Variants in OTOGL observed in about 807,000 individuals in gnomAD.
The protein encoded by OTOGL is otogelin like, also known as otogelin-like protein.
A neutral mutation model predicts 318.5 loss-of-function variants in OTOGL; 285 were observed. The observed-to-expected ratio is 0.89, with a 90% confidence interval of 0.81 to 0.99. The LOEUF is 0.99. Ranked by LOEUF, OTOGL falls within the 50% of genes least tolerant of loss-of-function variation. The pLI is 0.00. For synonymous variants in OTOGL, 987 were observed against 936.5 expected, an observed-to-expected ratio of 1.05 and a Z score of -0.99; for missense variants, 2,899 against 2,845.6, an observed-to-expected ratio of 1.02 and a Z score of -0.43.
intron 1 of OTOGL, among the ~76,000 whole-genome samples, chr12:80,101,926 A>AT (rs1425543712): frequency 6.6e-6 from 1 of 152,200 alleles, no homozygotes; most frequent in Non-Finnish European, 1.5e-5. Flanking sequence ...TCCATTTCAC[A>AT]TTTTTTATTC....
intron 1 of OTOGL, among the ~76,000 whole-genome samples, chr12:80,110,861 T>C (rs1465823291): frequency 6.6e-6 from 1 of 152,236 alleles, no homozygotes; most frequent in Non-Finnish European, 1.5e-5. Context: ...TAATTTACAC[T>C]CCCACCAACA....
chr12:80,209,083 A>C (rs1877036823), intron 1 of OTOGL, among the ~76,000 whole-genome samples: 1 of 152,132 alleles, frequency 6.6e-6, no homozygotes, highest in South Asian at 2.1e-4. Flanking sequence ...GCTTCAGGAG[A>C]TATCAAGAGA....
chr12:80,373,524 G>A lies in OTOGL; in HGVS notation c.6781+1460G>A, dbSNP rs545266154. Among the ~76,000 whole-genome samples, 11 of 152,068 alleles carry A rather than the reference G, an allele frequency of 7.2e-5. 1 individual carries two copies. In the South Asian group the frequency reaches 2.1e-3, roughly 29 times the overall value. On this transcript the variant is annotated intron_variant, in intron 57 of 58. Transcript: ENST00000547103. The stretch of plus-strand genomic sequence containing the variant: ...ATGAACTGACATACATCTTGAGGAA[G>A]ATTTCTGAATTTCTTTCATGAAAGA...
At chr12:80,120,418 C>A (rs1010775712) in intron 1 of OTOGL, among the ~76,000 whole-genome samples, 8 of 151,910 alleles carry the variant, frequency 5.3e-5, no homozygotes, top group Non-Finnish European at 8.8e-5. Flanking sequence ...AAGTTACATA[C>A]CTGTTGTTAT....
chr12:80,371,908 G>C (rs1013386456), intron 56 of OTOGL, 111 bp from the exon 57 acceptor site: 1 of 540,616 alleles, frequency 1.8e-6, no homozygotes, highest in Non-Finnish European at 2.9e-6. Flanking sequence ...TTCTATGAAG[G>C]CTTTGTGGTA....
At chr12:80,240,645 A>G (rs1455717455) in intron 11 of OTOGL, among the ~76,000 whole-genome samples, 1 of 152,098 alleles carries the variant, frequency 6.6e-6, no homozygotes, top group Non-Finnish European at 1.5e-5. Flanking sequence ...TGATATCACT[A>G]AGAATATTGT....
At position 80,355,800 on chromosome 12, in the gene OTOGL, A is replaced by C. The variant is rs1170775242; in HGVS notation, c.5658A>C (p.Glu1886Asp). 1 of 1,613,866 alleles carries C rather than the reference A, an allele frequency of 6.2e-7. No homozygotes were observed. Among genetic ancestry groups the C allele is most frequent in the East Asian group, 2.2e-5 (1 of 44,864 alleles). Reference protein sequence around the residue: ...AGEIWNGGIDECTLYKCLENG... With the variant: ...AGEIWNGGIDDCTLYKCLENG... ...AGATTTGGAATGGGGGCATTGATGA[A>C]TGCACTCTATACAAATGTTTGGAGA... The change falls in exon 47 of 59, where the codon GAA becomes GAC. Residue 1886 changes from glutamate (E) to aspartate (D), a missense_variant. Transcript: ENST00000547103.
intron 1 of OTOGL, among the ~76,000 whole-genome samples, chr12:80,173,145 A>G (rs1874316948): frequency 6.6e-6 from 1 of 151,926 alleles, no homozygotes; most frequent in African/African-American, 2.4e-5. Context: ...AGCTCCTATC[A>G]ATATTTACTT....
At chr12:80,366,068 C>A (rs1890509021) in intron 52 of OTOGL, among the ~76,000 whole-genome samples, 1 of 152,066 alleles carries the variant, frequency 6.6e-6, no homozygotes, top group African/African-American at 2.4e-5. Context: ...TTTCTCTCAA[C>A]AATCCTAAGA....
At chr12:80,295,562 G>C (rs999877764) in intron 26 of OTOGL, among the ~76,000 whole-genome samples, 7 of 152,212 alleles carry the variant, frequency 4.6e-5, no homozygotes, top group Non-Finnish European at 1.0e-4. Flanking sequence ...GATTCAGGAA[G>C]TGTGTGTGGG....
rs552238890 is a variant in OTOGL, at chr12:80,267,172, T to C, written c.2391-81T>C. ...TTAGAGTGTACCTTACAATGACCAATGGAGAGCACAAGGTCAGCTTGAATT... is the reference window on the plus strand; with the variant it reads ...TTAGAGTGTACCTTACAATGACCAACGGAGAGCACAAGGTCAGCTTGAATT... On this transcript the variant is annotated intron_variant, in intron 21 of 58. Transcript: ENST00000547103. The C allele has an allele frequency of 5.1e-6, 4 of 787,138 alleles. No homozygotes were observed. The South Asian group carries it at 7.6e-5, about 15-fold the overall frequency. The allele number at this position is 787,138 out of a possible 1,614,324, so 48.8% of individuals were successfully genotyped here. A position where few individuals can be genotyped will look rare whatever the true frequency, so the allele number is the denominator to read the frequency against.
chr12:80,267,193 G>A (rs1322546792), intron 21 of OTOGL, 60 bp from the exon 22 acceptor site: 1 of 1,119,412 alleles, frequency 8.9e-7, no homozygotes, highest in African/African-American at 1.6e-5. Context: ...AGGTCAGCTT[G>A]AATTTTAGTG....
chr12:80,339,300 T>TTTG, intron 43 of OTOGL, 36 bp downstream of exon 43: 1 of 614,496 alleles, frequency 1.6e-6, no homozygotes, highest in Non-Finnish European at 2.2e-6. Flanking sequence ...TTTCGTCTGT[T>TTTG]TTTTTTTTTT....
chr12:80,147,755 T>C (rs1235936942), intron 1 of OTOGL, among the ~76,000 whole-genome samples: 1 of 152,192 alleles, frequency 6.6e-6, no homozygotes, highest in Non-Finnish European at 1.5e-5. Flanking sequence ...TGGGTGCATA[T>C]ATATTTAGGA....
chr12:80,350,767 T>C (rs1889492900), intron 44 of OTOGL, among the ~76,000 whole-genome samples: 2 of 152,224 alleles, frequency 1.3e-5, no homozygotes, highest in Admixed American at 1.3e-4. Context: ...TTCCTTGTTA[T>C]TGAGTTGTTT....
At chr12:80,310,447 G>T (rs1351036458) in intron 29 of OTOGL, among the ~76,000 whole-genome samples, 164 bp from the exon 30 acceptor site, 1 of 152,138 alleles carries the variant, frequency 6.6e-6, no homozygotes, top group Non-Finnish European at 1.5e-5. Context: ...AATAATATAT[G>T]CAATTAACAT....
chr12:80,328,996 G>T, intron 36 of OTOGL, 55 bp from the exon 37 acceptor site: 1 of 1,446,054 alleles, frequency 6.9e-7, no homozygotes, highest in Admixed American at 2.2e-5. Flanking sequence ...TGAAATATGT[G>T]GGTCTAATTT....
intron 1 of OTOGL, among the ~76,000 whole-genome samples, chr12:80,165,290 T>G (rs1873763212): frequency 6.6e-6 from 1 of 152,212 alleles, no homozygotes; most frequent in Non-Finnish European, 1.5e-5. Flanking sequence ...ATCTTTTCCA[T>G]TTATTCTAAT....
intron 7 of OTOGL, among the ~76,000 whole-genome samples, chr12:80,224,507 G>A (rs915233707): frequency 6.6e-6 from 1 of 152,136 alleles, no homozygotes; most frequent in Non-Finnish European, 1.5e-5. Flanking sequence ...GCTTTTGGCA[G>A]TGTGGTCATT....
Sources: allele counts gnomAD v4.1 joint callset (sites outside exome capture counted in the v4.1 genomes callset), GRCh38; gene constraint gnomAD v4.1.1; transcripts MANE v1.5; gene names NCBI Gene and HGNC (gene_info 2026-07-23, HGNC 2026-07-21).